GHR: variants seen among roughly 807,000 people sequenced by gnomAD.
GHR encodes the protein GH receptor.
Under a neutral mutation model 67.1 loss-of-function variants are expected in GHR, and 35 were observed. The ratio of observed to expected loss-of-function variants is 0.52; its 90% CI spans 0.40 to 0.69. GHR has a LOEUF of 0.69. Ranked by LOEUF, GHR falls within the 30% of genes least tolerant of loss-of-function variation. GHR has a pLI of 0.00. For missense variants in GHR, 792 were observed against 764.6 expected, an observed-to-expected ratio of 1.04 and a Z score of -0.42; for synonymous variants, 272 against 269.1, an observed-to-expected ratio of 1.01 and a Z score of -0.10.
At chr5:42,533,038 T>C (rs1387314416) in intron 1 of GHR, among the ~76,000 whole-genome samples, 8 of 152,146 alleles carry the variant, frequency 5.3e-5, no homozygotes, top group African/African-American at 1.7e-4. Flanking sequence ...CTCATACCAG[T>C]TTCCACTCCT....
intron 1 of GHR, among the ~76,000 whole-genome samples, chr5:42,486,861 AAAG>A (rs1745908827): frequency 6.6e-6 from 1 of 152,090 alleles, no homozygotes; most frequent in South Asian, 2.1e-4. Flanking sequence ...AAAAAAAAAA[AAAG>A]AAACCAAATT....
intron 1 of GHR, among the ~76,000 whole-genome samples, chr5:42,495,941 T>C (rs1402916718): frequency 2.0e-5 from 3 of 152,200 alleles, no homozygotes; most frequent in Admixed American, 6.5e-5. Context: ...CTTTGACAGC[T>C]ACTCTGTCCA....
chr5:42,433,156 T>C (rs888425471), intron 1 of GHR, among the ~76,000 whole-genome samples: 2 of 152,202 alleles, frequency 1.3e-5, no homozygotes, highest in African/African-American at 2.4e-5. Flanking sequence ...ATCTAGGACT[T>C]AGTAGGACTT....
At chr5:42,446,014 A>T (rs1160329837) in intron 1 of GHR, among the ~76,000 whole-genome samples, 2 of 152,230 alleles carry the variant, frequency 1.3e-5, no homozygotes, top group South Asian at 4.1e-4. Flanking sequence ...AGAACTGCCC[A>T]GGAAACCCAT....
At chr5:42,454,212 T>A (rs1471146819) in intron 1 of GHR, among the ~76,000 whole-genome samples, 1 of 152,212 alleles carries the variant, frequency 6.6e-6, no homozygotes, top group Non-Finnish European at 1.5e-5. Context: ...AGGATAGGGA[T>A]GTAGACTCTG....
Position 42,579,128 on chromosome 5 carries a change from TAGATAGATAGATGATAGATAGATATAG to T in GHR, c.70+13186_70+13212del, listed in dbSNP as rs1561138810. ...ATAGATAGATAGATAGATAGATAGA[TAGATAGATAGATGATAGATAGATATAG>T]ATAGATAGATAGATAGATAGATAGA... On this transcript the variant is annotated intron_variant, in intron 2 of 9. Coordinates refer to ENST00000230882, the MANE Select transcript of GHR (RefSeq NM_000163.5). Among the ~76,000 whole-genome samples the T allele has an allele frequency of 8.7e-3, 728 of 83,236 alleles. 4 individuals carry two copies. Among genetic ancestry groups the T allele is most frequent in the African/African-American group, 0.024 (428 of 17,812 alleles). The allele number at this position is 83,236 out of a possible 152,430, so 54.6% of individuals were successfully genotyped here.
At chr5:42,614,434 T>C (rs1753039385) in intron 2 of GHR, among the ~76,000 whole-genome samples, 1 of 151,922 alleles carries the variant, frequency 6.6e-6, no homozygotes, top group African/African-American at 2.4e-5. Flanking sequence ...TTGCAGATTC[T>C]GATTCTGAAG....
chr5:42,434,103 C>T (rs1336148038), intron 1 of GHR, among the ~76,000 whole-genome samples: 1 of 151,972 alleles, frequency 6.6e-6, no homozygotes, highest in Non-Finnish European at 1.5e-5. Context: ...TTAAAGATGC[C>T]AACAATATGA....
chr5:42,639,580 C>T (rs1561188805), intron 3 of GHR, among the ~76,000 whole-genome samples: 1 of 152,164 alleles, frequency 6.6e-6, no homozygotes, highest in Non-Finnish European at 1.5e-5. Context: ...CATCTATGCT[C>T]TGTGTTGTCA....
At chr5:42,539,168 G>T (rs142135818) in intron 1 of GHR, among the ~76,000 whole-genome samples, 275 of 152,080 alleles carry the variant, frequency 1.8e-3, no homozygotes, top group Middle Eastern at 3.4e-3. Context: ...CTAACCTCCT[G>T]AATTCTTTCT....
At chr5:42,564,075 A>G (rs1036689558) in intron 1 of GHR, among the ~76,000 whole-genome samples, 13 of 150,932 alleles carry the variant, frequency 8.6e-5, no homozygotes, top group Non-Finnish European at 1.6e-4. Flanking sequence ...AAAAACCACA[A>G]CTCATATTTA....
chr5:42,597,267 C>A (rs966011244), intron 2 of GHR, among the ~76,000 whole-genome samples: 2 of 151,960 alleles, frequency 1.3e-5, no homozygotes, highest in Non-Finnish European at 2.9e-5. Flanking sequence ...ACATAAGTAA[C>A]CTGAAGAACA....
chr5:42,701,902 TCAAA>T (rs1757948544), intron 6 of GHR, among the ~76,000 whole-genome samples: 1 of 152,106 alleles, frequency 6.6e-6, no homozygotes, highest in South Asian at 2.1e-4. Flanking sequence ...AATGATCCAT[TCAAA>T]GTACTAGATA....
At chr5:42,427,201 T>A (rs774396116) in intron 1 of GHR, among the ~76,000 whole-genome samples, 7 of 152,224 alleles carry the variant, frequency 4.6e-5, no homozygotes, top group Non-Finnish European at 1.0e-4. Flanking sequence ...CTCATTGTAT[T>A]AGTCTGTTCT....
intron 1 of GHR, among the ~76,000 whole-genome samples, chr5:42,432,435 C>A (rs1743134848): frequency 6.6e-6 from 1 of 152,104 alleles, no homozygotes; most frequent in Admixed American, 6.6e-5. Context: ...GTCAGACATT[C>A]AATTTTGATT....
At chr5:42,665,785 A>G (rs560054930) in intron 3 of GHR, among the ~76,000 whole-genome samples, 1 of 152,124 alleles carries the variant, frequency 6.6e-6, no homozygotes, top group South Asian at 2.1e-4. Context: ...GGTTTAATGG[A>G]CTCACAGTTC....
chr5:42,519,157 C>A (rs1285898103), intron 1 of GHR, among the ~76,000 whole-genome samples: 1 of 152,136 alleles, frequency 6.6e-6, no homozygotes, highest in East Asian at 1.9e-4. Flanking sequence ...ACTGCTATAA[C>A]CCTCTGTTTT....
chr5:42,580,634 C>A (rs1751113651), intron 2 of GHR, among the ~76,000 whole-genome samples: 1 of 152,110 alleles, frequency 6.6e-6, no homozygotes, highest in Non-Finnish European at 1.5e-5. Context: ...GAAGCCGAGG[C>A]CCAGAGAATT....
At chr5:42,578,695 T>G (rs1170476427) in intron 2 of GHR, among the ~76,000 whole-genome samples, 1 of 152,182 alleles carries the variant, frequency 6.6e-6, no homozygotes, top group Non-Finnish European at 1.5e-5. Context: ...TTCATGTAGT[T>G]TTTAAATCTA....
Sources: allele counts gnomAD v4.1 joint callset (sites outside exome capture counted in the v4.1 genomes callset), GRCh38; gene constraint gnomAD v4.1.1; transcripts MANE v1.5; gene names NCBI Gene and HGNC (gene_info 2026-07-23, HGNC 2026-07-21).